The following LRRTM3 variants were observed in gnomAD, a reference collection of about 807,000 sequenced individuals.
The protein encoded by LRRTM3 is leucine rich repeat transmembrane neuronal 3.
A neutral mutation model predicts 44.7 loss-of-function variants in LRRTM3; 24 were observed. That is an observed-to-expected ratio of 0.54 (90% CI 0.39 to 0.76). LRRTM3 has a LOEUF of 0.76. Ranked by LOEUF, LRRTM3 falls within the 30% of genes least tolerant of loss-of-function variation. The probability of loss-of-function intolerance (pLI) is 0.00; values close to 1 mark genes in which losing one functional copy is unlikely to be tolerated. For missense variants in LRRTM3, 587 were observed against 702.2 expected (o/e 0.84, Z 1.85); for synonymous variants, 277 against 278.7 (o/e 0.99, Z 0.06).
chr10:67,072,286 C>T (rs2619651), intron 2 of LRRTM3, among the ~76,000 whole-genome samples: 150,769 of 152,332 alleles, frequency 0.99, 74,620 homozygotes, highest in East Asian at 1. Context: ...CCCACTTCTC[C>T]AATCGAATTT....
chr10:67,050,785 G>T (rs1855043884), intron 2 of LRRTM3, among the ~76,000 whole-genome samples: 1 of 152,210 alleles, frequency 6.6e-6, no homozygotes, highest in Non-Finnish European at 1.5e-5. Context: ...AATGAGGTAG[G>T]TTGTGATTGA....
intron 2 of LRRTM3, among the ~76,000 whole-genome samples, chr10:66,949,174 T>C (rs1391772398): frequency 2.6e-5 from 4 of 152,246 alleles, no homozygotes; most frequent in African/African-American, 4.8e-5. Flanking sequence ...TTAGTATTTA[T>C]TCAAATATAT....
At chr10:66,985,419 G>A (rs1850673447) in intron 2 of LRRTM3, among the ~76,000 whole-genome samples, 1 of 152,100 alleles carries the variant, frequency 6.6e-6, no homozygotes, top group Non-Finnish European at 1.5e-5. Flanking sequence ...ACAGGAACCT[G>A]GCCTTAGGTA....
intron 2 of LRRTM3, among the ~76,000 whole-genome samples, chr10:66,957,187 C>A (rs1848835809): frequency 6.6e-6 from 1 of 151,854 alleles, no homozygotes; most frequent in South Asian, 2.1e-4. Context: ...ATAGGACCAA[C>A]TTTATCAAAG....
rs1430799097 is a variant in LRRTM3, at chr10:67,100,090, T to C, written c.*2294T>C. 6.6e-6 allele frequency among the ~76,000 whole-genome samples: 1 copy of C among 151,792 alleles called. No individual in the cohort carries two copies. The highest frequency in any genetic ancestry group is 1.9e-4 in the East Asian group (1 of 5,178). ...TTTGTTAATAAATAGGTTTATCTAC[T>C]AATAAACCTATTTCTAGACACATTC... On this transcript the variant is annotated 3_prime_UTR_variant, in exon 3 of 3. Coordinates refer to ENST00000361320, the MANE Select transcript of LRRTM3 (RefSeq NM_178011.5).
intron 2 of LRRTM3, among the ~76,000 whole-genome samples, chr10:67,087,423 G>GA (rs946471196): frequency 2.0e-5 from 3 of 151,646 alleles, no homozygotes; most frequent in Admixed American, 1.3e-4. Context: ...TTTATAGGGG[G>GA]AAAATCACCA....
At chr10:67,094,489 A>T (rs2131921700) in intron 2 of LRRTM3, among the ~76,000 whole-genome samples, 1 of 151,978 alleles carries the variant, frequency 6.6e-6, no homozygotes. Flanking sequence ...ATAATTAAAA[A>T]GAAAATTACT....
chr10:67,080,743 A>G (rs542042465), intron 2 of LRRTM3, among the ~76,000 whole-genome samples: 8 of 152,130 alleles, frequency 5.3e-5, no homozygotes, highest in Non-Finnish European at 8.8e-5. Flanking sequence ...CCCCATCTCT[A>G]CTAAAAATAC....
intron 2 of LRRTM3, among the ~76,000 whole-genome samples, chr10:66,936,514 T>C (rs190020523): frequency 2.0e-3 from 307 of 152,308 alleles, no homozygotes; most frequent in Admixed American, 3.4e-3. Context: ...TGTTGTTTTC[T>C]GCCTGCAGAT....
intron 2 of LRRTM3, among the ~76,000 whole-genome samples, chr10:67,040,475 T>C (rs975063709): frequency 1.3e-5 from 2 of 152,088 alleles, no homozygotes; most frequent in African/African-American, 4.8e-5. Flanking sequence ...GAGAGTGCCA[T>C]GAAAATGATG....
intron 2 of LRRTM3, among the ~76,000 whole-genome samples, chr10:67,010,756 C>T (rs1852272288): frequency 6.6e-6 from 1 of 152,180 alleles, no homozygotes; most frequent in Non-Finnish European, 1.5e-5. Flanking sequence ...GTTTGCCATA[C>T]CCCAAATGCT....
At chr10:66,985,978 G>C (rs1460329849) in intron 2 of LRRTM3, among the ~76,000 whole-genome samples, 3 of 152,024 alleles carry the variant, frequency 2.0e-5, no homozygotes, top group African/African-American at 7.3e-5. Context: ...CTCTGGCCTT[G>C]GCCTCCAAAA....
intron 2 of LRRTM3, among the ~76,000 whole-genome samples, chr10:66,930,130 T>G: frequency 6.6e-6 from 1 of 152,094 alleles, no homozygotes; most frequent in East Asian, 1.9e-4. Context: ...AAATAAAATT[T>G]TAAGGATGCC....
At chr10:66,984,495 G>A (rs1850618611) in intron 2 of LRRTM3, among the ~76,000 whole-genome samples, 1 of 152,132 alleles carries the variant, frequency 6.6e-6, no homozygotes, top group Non-Finnish European at 1.5e-5. Context: ...TAAAATCTGT[G>A]TTTCTTAGGA....
intron 2 of LRRTM3, among the ~76,000 whole-genome samples, chr10:67,090,994 A>G (rs1857597691): frequency 6.6e-6 from 1 of 152,088 alleles, no homozygotes; most frequent in Admixed American, 6.6e-5. Flanking sequence ...TCAAGCTGGG[A>G]GTCAAGCCGG....
At chr10:66,993,400 G>A (rs1490284079) in intron 2 of LRRTM3, among the ~76,000 whole-genome samples, 1 of 152,096 alleles carries the variant, frequency 6.6e-6, no homozygotes, top group Non-Finnish European at 1.5e-5. Flanking sequence ...CTTGATGGGG[G>A]AGTGGCAATG....
chr10:67,061,598 T>C (rs941672896), intron 2 of LRRTM3, among the ~76,000 whole-genome samples: 1 of 152,164 alleles, frequency 6.6e-6, no homozygotes, highest in African/African-American at 2.4e-5. Flanking sequence ...TACCTGTGAA[T>C]TGTAGCAATG....
chr10:67,063,601 T>C (rs1855892893), intron 2 of LRRTM3, among the ~76,000 whole-genome samples: 1 of 152,220 alleles, frequency 6.6e-6, no homozygotes, highest in Non-Finnish European at 1.5e-5. Flanking sequence ...AATATCTGCC[T>C]TAGTTTTAGA....
At chr10:67,065,058 A>G (rs1369638595) in intron 2 of LRRTM3, among the ~76,000 whole-genome samples, 2 of 152,204 alleles carry the variant, frequency 1.3e-5, no homozygotes, top group Non-Finnish European at 2.9e-5. Context: ...ATAAAGCCTC[A>G]GTAGACATGT....
Sources: allele counts gnomAD v4.1 joint callset (sites outside exome capture counted in the v4.1 genomes callset), GRCh38; gene constraint gnomAD v4.1.1; transcripts MANE v1.5; gene names NCBI Gene and HGNC (gene_info 2026-07-23, HGNC 2026-07-21).